Variants in SLC12A2 observed in about 807,000 individuals in gnomAD.
SLC12A2 encodes the protein solute carrier family 12 member 2.
SLC12A2 carries 67 observed loss-of-function variants against 136.3 expected under a neutral mutation model. That is an observed-to-expected ratio of 0.49 (90% CI 0.40 to 0.60). The LOEUF is 0.60. SLC12A2 is among the 20% of genes least tolerant of loss of function. SLC12A2 has a pLI of 0.00. For synonymous variants in SLC12A2, 619 were observed against 562.9 expected, an observed-to-expected ratio of 1.10 and a Z score of -1.41; for missense variants, 1,322 against 1,534.7, an observed-to-expected ratio of 0.86 and a Z score of 2.32.
Position 128,151,217 on chromosome 5 carries a change from CTTTTA to C in SLC12A2, c.2108-20_2108-16del. ...TAAAGCAGATGAGGTATTTGTGTGA[CTTTTA>C]TTTATTTGTTATTGTTAGGATGGCG... is the stretch of plus-strand genomic sequence containing the variant. On this transcript the variant is annotated intron_variant, in intron 13 of 26. Coordinates refer to ENST00000262461, the MANE Select transcript of SLC12A2 (RefSeq NM_001046.3). 6.3e-7 allele frequency: 1 copy of C among 1,590,150 alleles called. No homozygotes were observed. Among genetic ancestry groups the C allele is most frequent in the Non-Finnish European group, 8.6e-7 (1 of 1,168,950 alleles).
In SLC12A2 at chr5:128,150,082, A is replaced by G; in HGVS notation, c.2091A>G (p.Ser697=). The change falls in exon 13 of 27, where the codon TCA becomes TCG. Residue 697 remains serine, a synonymous_variant. Transcript: ENST00000262461. The part of the protein sequence containing the change: ...ALINFSVFHA[S]LAKSPGWRPA... ...TCAATTTTTCAGTATTCCATGCATCACTTGCAAAATCTCCAGGTAATTTTA... is the reference window on the plus strand; with the variant it reads ...TCAATTTTTCAGTATTCCATGCATCGCTTGCAAAATCTCCAGGTAATTTTA... The G allele has an allele frequency of 6.3e-7, 1 of 1,597,282 alleles. No individual in the cohort carries two copies. The highest frequency in any genetic ancestry group is 8.6e-7 in the Non-Finnish European group (1 of 1,167,808).
chr5:128,147,697 G>A lies in SLC12A2; in HGVS notation c.1849G>A (p.Ala617Thr), dbSNP rs1581111514. 2.5e-6 allele frequency: 4 copies of A among 1,609,802 alleles called. No individual in the cohort carries two copies. The highest frequency in any genetic ancestry group is 3.4e-6 in the Non-Finnish European group (4 of 1,176,962). ...IFSATLSSAL[A>T]SLVSAPKIFQ... ...TTCAGCCACTCTTTCTTCAGCATTA[G>A]CATCCCTAGTGAGTGCTCCCAAAAT... Residue 617 changes from alanine (A) to threonine (T), a missense_variant, in exon 11 of 27, where the codon GCA becomes ACA. Physicochemically the swap from Ala to Thr is moderately conservative, Grantham distance 58 (BLOSUM62 0). Coordinates refer to ENST00000262461, the MANE Select transcript of SLC12A2 (RefSeq NM_001046.3).
intron 4 of SLC12A2, among the ~76,000 whole-genome samples, chr5:128,126,952 ATATATATAT>A (rs1213665095): frequency 3.6e-4 from 10 of 27,728 alleles, no homozygotes; most frequent in Admixed American, 2.7e-3. Context: ...ATATATATAT[ATATATATAT>A]ATATATTTTT....
chr5:128,152,622 T>A, intron 14 of SLC12A2, 84 bp from the exon 15 acceptor site: 2 of 843,506 alleles, frequency 2.4e-6, no homozygotes, highest in East Asian at 2.4e-5. Flanking sequence ...TGTGAAAGCA[T>A]GTTTAATTCT....
intron 7 of SLC12A2, 50 bp from the exon 8 acceptor site, chr5:128,138,547 T>C: frequency 6.5e-7 from 1 of 1,537,712 alleles, no homozygotes; most frequent in Non-Finnish European, 8.8e-7. Flanking sequence ...TCAGTTATTA[T>C]AGTCTAATTT....
chr5:128,149,026 G>A (rs1762616011), intron 12 of SLC12A2, 149 bp downstream of exon 12: 5 of 676,452 alleles, frequency 7.4e-6, no homozygotes, highest in Non-Finnish European at 9.7e-6. Flanking sequence ...GTAATAGCAT[G>A]AGTACATATT....
chr5:128,086,051 G>A (rs995437619), intron 1 of SLC12A2, among the ~76,000 whole-genome samples: 3 of 152,068 alleles, frequency 2.0e-5, no homozygotes, highest in Non-Finnish European at 2.9e-5. Flanking sequence ...AGTAGATATG[G>A]AGCTGGCAAT....
chr5:128,148,098 TAAATA>T (rs1372582137), intron 11 of SLC12A2, among the ~76,000 whole-genome samples: 1 of 151,728 alleles, frequency 6.6e-6, no homozygotes, highest in African/African-American at 2.4e-5. Context: ...GATATCAACC[TAAATA>T]TTTTATTTTA....
Position 128,177,136 on chromosome 5 carries a change from A to G in SLC12A2, c.2961A>G (p.Gln987=), listed in dbSNP as rs1293579931. The G allele has an allele frequency of 2.5e-6, 4 of 1,592,584 alleles. No homozygotes were observed. The highest frequency in any genetic ancestry group is 3.4e-6 in the Non-Finnish European group (4 of 1,172,734). The change falls in exon 21 of 27, where the codon CAA becomes CAG. Residue 987 remains glutamine (Q), a synonymous_variant. Coordinates refer to ENST00000262461, the MANE Select transcript of SLC12A2 (RefSeq NM_001046.3). The stretch of plus-strand genomic sequence containing the variant: ...AAGAGGATGGCAAGACTGCAACTCA[A>G]CCACTGTTGAAAAAAGGCAGGCATT... ...VEEEDGKTAT[Q]PLLKKESKGP...
chr5:128,090,989 T>C (rs557090071), intron 1 of SLC12A2, among the ~76,000 whole-genome samples: 4 of 152,290 alleles, frequency 2.6e-5, no homozygotes, highest in South Asian at 2.1e-4. Flanking sequence ...ATCTGACTTA[T>C]GTTTTCAAAA....
intron 10 of SLC12A2, among the ~76,000 whole-genome samples, chr5:128,143,840 GTT>G (rs1373269219): frequency 1.3e-5 from 2 of 150,280 alleles, no homozygotes; most frequent in African/African-American, 4.9e-5. Context: ...CAATCTGTAA[GTT>G]TTACAATACA....
intron 4 of SLC12A2, among the ~76,000 whole-genome samples, chr5:128,119,897 A>T (rs1044353104): frequency 1.8e-4 from 28 of 152,338 alleles, no homozygotes; most frequent in African/African-American, 6.7e-4. Context: ...ACAACAAAAG[A>T]AACTACCATC....
intron 2 of SLC12A2, among the ~76,000 whole-genome samples, chr5:128,113,780 C>G (rs918194154): frequency 6.6e-6 from 1 of 151,908 alleles, no homozygotes; most frequent in African/African-American, 2.4e-5. Flanking sequence ...CATTTTGTAT[C>G]GACAAATATT....
chr5:128,098,441 TA>T (rs1640702529), intron 1 of SLC12A2, among the ~76,000 whole-genome samples: 1 of 151,962 alleles, frequency 6.6e-6, no homozygotes, highest in Non-Finnish European at 1.5e-5. Context: ...GAATTTAACA[TA>T]TGGGCCACAT....
At chr5:128,173,286 T>C (rs778485877) in intron 19 of SLC12A2, among the ~76,000 whole-genome samples, 7 of 152,234 alleles carry the variant, frequency 4.6e-5, no homozygotes, top group Non-Finnish European at 1.0e-4. Context: ...AAATACTATT[T>C]CAATTATTTC....
intron 1 of SLC12A2, among the ~76,000 whole-genome samples, chr5:128,111,498 G>T (rs1232243006): frequency 6.6e-6 from 1 of 152,074 alleles, no homozygotes; most frequent in Non-Finnish European, 1.5e-5. Flanking sequence ...GGGCACGGTG[G>T]CTCACACCTG....
Position 128,087,150 on chromosome 5 carries a change from G to C in SLC12A2, c.756+2440G>C, listed in dbSNP as rs923733398. Among the ~76,000 whole-genome samples the C allele has an allele frequency of 6.2e-4, 94 of 152,164 alleles. 1 individual carries two copies. The highest frequency in any genetic ancestry group is 2.2e-3 in the African/African-American group (91 of 41,432). On this transcript the variant is annotated intron_variant, in intron 1 of 26. Transcript: ENST00000262461. ...TGACTTTTTAAAAGTATTTTGTCTAGATGTCCAACTGTAGGGGAAAAGATA... is the reference window on the plus strand; with the variant it reads ...TGACTTTTTAAAAGTATTTTGTCTACATGTCCAACTGTAGGGGAAAAGATA...
intron 10 of SLC12A2, among the ~76,000 whole-genome samples, chr5:128,145,321 T>A (rs1184281496): frequency 6.6e-6 from 1 of 152,098 alleles, no homozygotes. Flanking sequence ...CTTATCTCTT[T>A]CTTTGTACTT....
intron 4 of SLC12A2, among the ~76,000 whole-genome samples, chr5:128,120,311 G>A (rs1434461566): frequency 1.4e-5 from 2 of 143,772 alleles, no homozygotes; most frequent in Admixed American, 7.2e-5. Flanking sequence ...CGATTCCTCA[G>A]GGATCTAGAA....
Sources: allele counts gnomAD v4.1 joint callset (sites outside exome capture counted in the v4.1 genomes callset), GRCh38; gene constraint gnomAD v4.1.1; transcripts MANE v1.5; gene names NCBI Gene and HGNC (gene_info 2026-07-23, HGNC 2026-07-21).